The following RSBN1L variants were observed in gnomAD, a reference collection of about 807,000 sequenced individuals.
The protein encoded by RSBN1L is round spermatid basic protein 1 like.
In RSBN1L, 30 loss-of-function variants were observed where a neutral mutation model predicts 67.7. That is an observed-to-expected ratio of 0.44 (90% CI 0.33 to 0.60). The LOEUF (loss-of-function observed/expected upper bound fraction) is 0.60, where lower values mean the gene tolerates loss of function less well. Among genes scored for constraint, RSBN1L ranks in the 20% least tolerant of loss-of-function variants. The probability of loss-of-function intolerance (pLI) is 0.02; values close to 1 mark genes in which losing one functional copy is unlikely to be tolerated. For synonymous variants in RSBN1L, 433 were observed against 387.0 expected, an observed-to-expected ratio of 1.12 and a Z score of -1.39; for missense variants, 992 against 1,031.7, an observed-to-expected ratio of 0.96 and a Z score of 0.53.
In RSBN1L at chr7:77,781,168, A is replaced by G. The variant is rs1462817525; in HGVS notation, c.*2000A>G. ...GTCAGTTTTGGCCCCTAGTTTAATA[A>G]AAGGATAGGCAAATATCATAGGAAA... On this transcript the variant is annotated 3_prime_UTR_variant, in exon 8 of 8. Coordinates refer to ENST00000334955, the MANE Select transcript of RSBN1L (RefSeq NM_198467.3). 1.3e-5 allele frequency: 2 copies of G among 152,208 alleles called. No homozygotes were observed. The highest frequency in any genetic ancestry group is 2.9e-5 in the Non-Finnish European group (2 of 68,030). The allele number at this position is 152,208 out of a possible 1,614,324, so 9.4% of individuals were successfully genotyped here.
chr7:77,697,611 G>A (rs552616586), intron 1 of RSBN1L, among the ~76,000 whole-genome samples: 1 of 152,240 alleles, frequency 6.6e-6, no homozygotes, highest in Admixed American at 6.5e-5. Flanking sequence ...GCGCTGTTTC[G>A]TAAGGTACCC....
At chr7:77,714,512 G>T (rs1791020401) in intron 1 of RSBN1L, among the ~76,000 whole-genome samples, 2 of 152,158 alleles carry the variant, frequency 1.3e-5, no homozygotes, top group Non-Finnish European at 2.9e-5. Context: ...AGATCCATCA[G>T]TACAGTTGCA....
intron 1 of RSBN1L, among the ~76,000 whole-genome samples, chr7:77,723,181 G>A (rs770880935): frequency 4.0e-5 from 6 of 151,778 alleles, no homozygotes; most frequent in Admixed American, 6.6e-5. Context: ...GGCCAGGCTG[G>A]GCTCAAACTC....
chr7:77,724,107 T>C (rs903724880), intron 1 of RSBN1L, among the ~76,000 whole-genome samples: 2 of 152,118 alleles, frequency 1.3e-5, no homozygotes, highest in Admixed American at 1.3e-4. Flanking sequence ...TTTCTCCTTT[T>C]TTTCTCCTCT....
intron 6 of RSBN1L, among the ~76,000 whole-genome samples, chr7:77,774,543 A>G (rs1236799276): frequency 6.6e-6 from 1 of 152,206 alleles, no homozygotes; most frequent in Non-Finnish European, 1.5e-5. Flanking sequence ...CCTGACCAAC[A>G]TGGTAAAACC....
At chr7:77,755,482 A>G (rs1262897046) in intron 3 of RSBN1L, among the ~76,000 whole-genome samples, 2 of 152,096 alleles carry the variant, frequency 1.3e-5, no homozygotes, top group African/African-American at 4.8e-5. Context: ...CCTGGCTAAC[A>G]TGGTGAAACT....
At chr7:77,745,002 C>G (rs141178990) in intron 2 of RSBN1L, among the ~76,000 whole-genome samples, 194 of 152,270 alleles carry the variant, frequency 1.3e-3, no homozygotes, top group Admixed American at 2.5e-3. Context: ...TGGCTCACGC[C>G]TGTAATGCCA....
chr7:77,739,596 C>G (rs1056996158), intron 2 of RSBN1L, among the ~76,000 whole-genome samples: 1 of 149,816 alleles, frequency 6.7e-6, no homozygotes. Flanking sequence ...GTCTGTAATC[C>G]CAGCTACTCG....
rs551179390 is a variant in RSBN1L at position 77,704,233 on chromosome 7, A to G, written c.586+7178A>G. ...GAATGAACAATACTAACTTTTTGAA[A>G]GAAGTTTGTATTTCAGAAGTTTTAA... On this transcript the variant is annotated intron_variant, in intron 1 of 7. Transcript: ENST00000334955. 7.9e-5 allele frequency among the ~76,000 whole-genome samples: 12 copies of G among 152,220 alleles called. No individual in the cohort carries two copies. The South Asian group carries it at 2.1e-3, about 26-fold the overall frequency.
chr7:77,707,314 G>A (rs781702017), intron 1 of RSBN1L, among the ~76,000 whole-genome samples: 32 of 152,164 alleles, frequency 2.1e-4, no homozygotes, highest in Non-Finnish European at 3.8e-4. Context: ...TTGAGCAACC[G>A]TGTCTGGCCT....
intron 1 of RSBN1L, among the ~76,000 whole-genome samples, chr7:77,729,202 A>T (rs754975539): frequency 4.6e-5 from 7 of 151,972 alleles, no homozygotes; most frequent in Non-Finnish European, 7.3e-5. Flanking sequence ...TCCATGTAAG[A>T]GTTATTAACT....
chr7:77,709,186 G>A (rs142372140), intron 1 of RSBN1L, among the ~76,000 whole-genome samples: 30,423 of 130,104 alleles, frequency 0.23, 3,031 homozygotes, highest in South Asian at 0.29. Context: ...GTGTGTGTGT[G>A]TGTGTGTGTG....
chr7:77,712,780 T>TA lies in RSBN1L; in HGVS notation c.586+15726dup, dbSNP rs201348686. On this transcript the variant is annotated intron_variant, in intron 1 of 7. Coordinates refer to ENST00000334955, the MANE Select transcript of RSBN1L (RefSeq NM_198467.3). ...TAACTGATACTGTATTGTGGGACAT[T>TA]AGATTCTTTTTTCTGTTGTAAATGA... 5.7e-3 allele frequency among the ~76,000 whole-genome samples: 848 copies of TA among 148,616 alleles called. 4 individuals are homozygous for TA. Among genetic ancestry groups the TA allele is most frequent in the African/African-American group, 0.02 (806 of 40,060 alleles).
At chr7:77,775,095 G>C (rs1021960867) in intron 6 of RSBN1L, among the ~76,000 whole-genome samples, 3 of 152,064 alleles carry the variant, frequency 2.0e-5, no homozygotes, top group Non-Finnish European at 2.9e-5. Context: ...CTAACTCATA[G>C]GCAGTATGTC....
At chr7:77,778,238 T>A in intron 6 of RSBN1L, 100 bp from the exon 7 acceptor site, 1 of 753,960 alleles carries the variant, frequency 1.3e-6, no homozygotes, top group Non-Finnish European at 2.2e-6. Context: ...AAGACAGTAC[T>A]ATGGTATTGA....
At chr7:77,753,198 C>T (rs777186736) in intron 3 of RSBN1L, among the ~76,000 whole-genome samples, 1 of 152,102 alleles carries the variant, frequency 6.6e-6, no homozygotes, top group Non-Finnish European at 1.5e-5. Context: ...AACATATGCA[C>T]CTATTCAGTT....
At chr7:77,750,159 G>A in intron 3 of RSBN1L, 95 bp downstream of exon 3, 1 of 689,900 alleles carries the variant, frequency 1.4e-6, no homozygotes. Flanking sequence ...GAAATAAAAA[G>A]GTAAGAATAT....
intron 1 of RSBN1L, among the ~76,000 whole-genome samples, chr7:77,736,079 A>C (rs975298699): frequency 4.6e-5 from 7 of 152,174 alleles, no homozygotes; most frequent in Admixed American, 1.3e-4. Flanking sequence ...CAATTTCAAC[A>C]CTGGCACTTT....
chr7:77,753,328 A>G (rs1408738480), intron 3 of RSBN1L, among the ~76,000 whole-genome samples: 2 of 152,184 alleles, frequency 1.3e-5, no homozygotes, highest in Admixed American at 6.5e-5. Flanking sequence ...TCTGGTGACT[A>G]TGTAGTGGTA....
Sources: gnomAD v4.1 joint callset for allele counts (sites outside exome capture counted in the v4.1 genomes callset) on GRCh38, gnomAD v4.1.1 for gene constraint, MANE v1.5 for transcripts, NCBI Gene and HGNC (gene_info 2026-07-23, HGNC 2026-07-21) for gene names.